The following JMJD1C variants were observed in gnomAD, a reference collection of about 807,000 sequenced individuals.
JMJD1C encodes the protein jumonji domain containing 1C, also known as jumonji domain-containing protein 1C.
Under a neutral mutation model 245.3 loss-of-function variants are expected in JMJD1C, and 31 were observed. The observed-to-expected ratio is 0.13, with a 90% CI of 0.09 to 0.17. The LOEUF is 0.17. Among genes scored for constraint, JMJD1C ranks in the 10% least tolerant of loss-of-function variants. JMJD1C has a pLI of 1.00. For synonymous variants in JMJD1C, 1,057 were observed against 1,017.4 expected (o/e 1.04, Z -0.74); for missense variants, 2,691 against 3,000.2 (o/e 0.90, Z 2.41).
At chr10:63,201,146 A>G (rs1845961563) in intron 10 of JMJD1C, among the ~76,000 whole-genome samples, 1 of 152,198 alleles carries the variant, frequency 6.6e-6, no homozygotes, top group Non-Finnish European at 1.5e-5. Flanking sequence ...ACGTATTTCT[A>G]TTGAAATACA....
chr10:63,373,845 T>A (rs1428538292), intron 2 of JMJD1C, among the ~76,000 whole-genome samples: 1 of 152,124 alleles, frequency 6.6e-6, no homozygotes, highest in African/African-American at 2.4e-5. Flanking sequence ...CAAATTTTAA[T>A]GAACAAAAAA....
At chr10:63,337,590 AAAGAAAAGAAAAG>A (rs1942920577) in intron 2 of JMJD1C, among the ~76,000 whole-genome samples, 1 of 106,284 alleles carries the variant, frequency 9.4e-6, no homozygotes, top group African/African-American at 5.8e-5. Context: ...AAAGAAAAGA[AAAGAAAAGAAAAG>A]AAAAGAAAAG....
intron 1 of JMJD1C, among the ~76,000 whole-genome samples, chr10:63,443,822 G>C (rs1280645553): frequency 6.6e-6 from 1 of 152,186 alleles, no homozygotes; most frequent in African/African-American, 2.4e-5. Flanking sequence ...AGTCCACCAA[G>C]GGTTGCCTCA....
At chr10:63,440,365 T>TATAGAG (rs749850334) in intron 1 of JMJD1C, among the ~76,000 whole-genome samples, 146 of 138,268 alleles carry the variant, frequency 1.1e-3, no homozygotes, top group Middle Eastern at 3.9e-3. Context: ...TATATATATA[T>TATAGAG]AGAGAGAGAG....
chr10:63,422,853 A>AT (rs1270295165), intron 1 of JMJD1C, among the ~76,000 whole-genome samples: 4 of 152,218 alleles, frequency 2.6e-5, no homozygotes, highest in African/African-American at 7.2e-5. Context: ...AAAAATTGTG[A>AT]TAAGATGTAT....
At chr10:63,463,333 A>C (rs1452809237) in intron 1 of JMJD1C, among the ~76,000 whole-genome samples, 1 of 151,950 alleles carries the variant, frequency 6.6e-6, no homozygotes, top group Admixed American at 6.6e-5. Flanking sequence ...TGCCCGGCTA[A>C]TTTCTGTATT....
At chr10:63,295,954 CGTATAT>C (rs1859333122) in intron 2 of JMJD1C, among the ~76,000 whole-genome samples, 3 of 28,414 alleles carry the variant, frequency 1.1e-4, no homozygotes, top group African/African-American at 3.5e-4. Flanking sequence ...TATATATACA[CGTATAT>C]GTGTGTGTGT....
chr10:63,389,108 G>C (rs1321380008), intron 1 of JMJD1C, among the ~76,000 whole-genome samples: 2 of 152,090 alleles, frequency 1.3e-5, no homozygotes, highest in African/African-American at 4.8e-5. Flanking sequence ...CAGATCACCT[G>C]AGGTCAGGAG....
intron 2 of JMJD1C, among the ~76,000 whole-genome samples, chr10:63,339,800 C>T (rs1049536007): frequency 3.3e-5 from 5 of 152,164 alleles, no homozygotes; most frequent in African/African-American, 4.8e-5. Context: ...GTCTCACAAA[C>T]ATTTTGTACC....
intron 1 of JMJD1C, among the ~76,000 whole-genome samples, chr10:63,483,646 C>T (rs1953895464): frequency 6.6e-6 from 1 of 152,112 alleles, no homozygotes; most frequent in South Asian, 2.1e-4. Flanking sequence ...TTTTTGAAAA[C>T]TTCACAAAAA....
At position 63,207,561 on chromosome 10, in the gene JMJD1C, T is replaced by C; in HGVS notation, c.4108A>G (p.Lys1370Glu). 1 of 1,614,246 alleles carries C rather than the reference T, an allele frequency of 6.2e-7. No individual in the cohort carries two copies. The highest frequency in any genetic ancestry group is 8.5e-7 in the Non-Finnish European group (1 of 1,180,038). The change falls in exon 10 of 26, where the codon AAA becomes GAA. Residue 1370 changes from lysine to glutamate, a missense_variant. Physicochemically the swap from Lys to Glu is moderately conservative, Grantham distance 56. This residue lies in a region of JMJD1C where 1,562 missense variants were observed against 1,490.7 expected (regional missense o/e 1.05). Transcript: ENST00000399262. ...CCCTGTGAGACAGCCTGAAAGTTTT[T>C]TTCAGATTTTGTGTGAACACTGTCT... is the stretch of plus-strand genomic sequence containing the variant. The part of the protein sequence containing the change: ...NSDSVHTKSE[K>E]NFQAVSQGSV...
intron 10 of JMJD1C, chr10:63,203,134 G>A (rs977770466): frequency 8.6e-5 from 85 of 984,634 alleles, no homozygotes; most frequent in African/African-American, 3.0e-4. Context: ...CAATTCATAC[G>A]TAGAGCTTTT....
chr10:63,471,217 A>G (rs930239208), intron 1 of JMJD1C, among the ~76,000 whole-genome samples: 2 of 152,230 alleles, frequency 1.3e-5, no homozygotes, highest in Non-Finnish European at 2.9e-5. Flanking sequence ...CAGCAGGGTA[A>G]AAGTCTTCTG....
At chr10:63,217,166 A>T (rs1368184134) in intron 5 of JMJD1C, 41 bp downstream of exon 5, 1 of 1,567,058 alleles carries the variant, frequency 6.4e-7, no homozygotes, top group Non-Finnish European at 8.7e-7. Flanking sequence ...GATGATTTGA[A>T]CTTTTAAAAT....
chr10:63,415,366 T>C (rs949824641), intron 1 of JMJD1C, among the ~76,000 whole-genome samples: 3 of 152,206 alleles, frequency 2.0e-5, no homozygotes, highest in East Asian at 3.8e-4. Context: ...TTAACTATTA[T>C]GTGATATTAA....
At chr10:63,519,298 C>T (rs926295124) in intron 1 of JMJD1C, among the ~76,000 whole-genome samples, 5 of 152,170 alleles carry the variant, frequency 3.3e-5, no homozygotes, top group Non-Finnish European at 5.9e-5. Flanking sequence ...CATTAATGTA[C>T]TAGGATTAGC....
intron 1 of JMJD1C, among the ~76,000 whole-genome samples, chr10:63,438,481 T>A (rs1239801481): frequency 6.6e-6 from 1 of 152,170 alleles, no homozygotes; most frequent in Non-Finnish European, 1.5e-5. Context: ...GAGTCTACTA[T>A]CAACAAAGAA....
chr10:63,292,144 A>AGTTTTTTTTTTT (rs1858835101), intron 2 of JMJD1C, among the ~76,000 whole-genome samples: 1 of 56,326 alleles, frequency 1.8e-5, no homozygotes, highest in Non-Finnish European at 3.2e-5. Context: ...GTAGAGACAG[A>AGTTTTTTTTTTT]TTTTTTTTTT....
At chr10:63,247,314 C>A (rs1852347249) in intron 3 of JMJD1C, among the ~76,000 whole-genome samples, 1 of 151,976 alleles carries the variant, frequency 6.6e-6, no homozygotes, top group African/African-American at 2.4e-5. Context: ...CTATCAACAA[C>A]TATACAAGCT....
Sources: gnomAD v4.1 joint callset for allele counts (sites outside exome capture counted in the v4.1 genomes callset) on GRCh38, gnomAD v4.1.1 for gene constraint, gnomAD v4.1.1 regional missense constraint, MANE v1.5 for transcripts, NCBI Gene and HGNC (gene_info 2026-07-23, HGNC 2026-07-21) for gene names.